GPR20: variants seen among roughly 807,000 people sequenced by gnomAD.
The protein encoded by GPR20 is CTD-3064M3.3.
For missense variants in GPR20, 494 were observed against 527.4 expected (o/e 0.94, Z 0.62); for synonymous variants, 241 against 241.9 (o/e 1.00, Z 0.04).
intron 1 of GPR20, among the ~76,000 whole-genome samples, chr8:141,363,332 G>A (rs190991314): frequency 4.6e-5 from 7 of 152,346 alleles, no homozygotes; most frequent in South Asian, 2.1e-4. Context: ...GGACCAGCCC[G>A]CTCACACGTG....
chr8:141,365,670 G>C lies in GPR20; in HGVS notation c.-25+1531C>G, dbSNP rs771440406. 1.2e-4 allele frequency among the ~76,000 whole-genome samples: 18 copies of C among 152,242 alleles called. 1 individual carries two copies. Among genetic ancestry groups the C allele is most frequent in the Non-Finnish European group, 2.9e-5 (2 of 68,034 alleles). Reference sequence around the variant, plus strand: ...AGAGGGAAGAGCGCTCCCGGCAGCAGGAAGGGCACAGTGAGCATGAAGGGC... The same window carrying C: ...AGAGGGAAGAGCGCTCCCGGCAGCACGAAGGGCACAGTGAGCATGAAGGGC... On this transcript the variant is annotated intron_variant, in intron 1 of 1. Coordinates refer to ENST00000377741, the MANE Select transcript of GPR20 (RefSeq NM_005293.3).
chr8:141,356,918 C>T lies in GPR20; in HGVS notation c.1006G>A (p.Gly336Ser), dbSNP rs1186729075. 3 of 1,612,258 alleles carry T rather than the reference C, an allele frequency of 1.9e-6. No homozygotes were observed. The highest frequency in any genetic ancestry group is 1.1e-5 in the South Asian group (1 of 91,070). ...CCGGCACTGAGGATGTGATGACGGC[C>T]TGAGCCCTTGGAGCTCCTGTGCATG... ...VSMHRSSKGS[G>S]RHHILSAGPH... Residue 336 changes from glycine (G) to serine (S), a missense_variant, in exon 2 of 2, where the codon GGC becomes AGC. Gly to Ser is a moderately conservative substitution (Grantham distance 56). Coordinates refer to ENST00000377741, the MANE Select transcript of GPR20 (RefSeq NM_005293.3).
At position 141,357,360 on chromosome 8, in the gene GPR20, C is replaced by T; in HGVS notation, c.564G>A (p.Val188=). 6.4e-7 allele frequency: 1 copy of T among 1,557,958 alleles called. No individual in the cohort carries two copies. Among genetic ancestry groups the T allele is most frequent in the African/African-American group, 1.4e-5 (1 of 73,872 alleles). The change falls in exon 2 of 2, where the codon GTG becomes GTA. Residue 188 remains valine, a synonymous_variant. Coordinates refer to ENST00000377741, the MANE Select transcript of GPR20 (RefSeq NM_005293.3). ...CACGGCAGCAGGGCCGGCTGCCTGTCACGCCCAGCACCGACAGGGTGACGG... is the reference window on the plus strand; with the variant it reads ...CACGGCAGCAGGGCCGGCTGCCTGTTACGCCCAGCACCGACAGGGTGACGG... The part of the protein sequence containing the change: ...AGAVTLSVLG[V]TGSRPCCRVF...
chr8:141,357,564 C>T lies in GPR20; in HGVS notation c.360G>A (p.Leu120=), dbSNP rs1485683965. ...CGAGGACGTGCGGGAAGGCACAGCG[C>T]AGGCAGCCCCTGGCGCCGTAGTACA... is the stretch of plus-strand genomic sequence containing the variant. ...FAVYYGARGC[L]RCAFPHVLGY... is the part of the protein sequence containing the mutation. Residue 120 remains leucine (L), a synonymous_variant, in exon 2 of 2, where the codon CTG becomes CTA. Transcript: ENST00000377741. 6.2e-7 allele frequency: 1 copy of T among 1,613,866 alleles called. No individual in the cohort carries two copies. Among genetic ancestry groups the T allele is most frequent in the Non-Finnish European group, 8.5e-7 (1 of 1,180,008 alleles).
chr8:141,359,569 G>C (rs943837639), intron 1 of GPR20, among the ~76,000 whole-genome samples: 1 of 152,192 alleles, frequency 6.6e-6, no homozygotes. Context: ...AGCTCCCCCC[G>C]ACTGCAAGCA....
chr8:141,366,258 G>T (rs1352170145), intron 1 of GPR20, among the ~76,000 whole-genome samples: 1 of 152,192 alleles, frequency 6.6e-6, no homozygotes, highest in African/African-American at 2.4e-5. Context: ...TCAGCAGACC[G>T]CCCTGGAGCC....
intron 1 of GPR20, among the ~76,000 whole-genome samples, chr8:141,361,910 C>T (rs1380967547): frequency 6.6e-6 from 1 of 152,208 alleles, no homozygotes; most frequent in Admixed American, 6.5e-5. Context: ...CCCGGCCTTT[C>T]AAGGCTTCGC....
intron 1 of GPR20, among the ~76,000 whole-genome samples, chr8:141,364,107 C>G (rs1313650795): frequency 6.6e-6 from 1 of 152,238 alleles, no homozygotes; most frequent in Non-Finnish European, 1.5e-5. Context: ...ACTGGCAGGA[C>G]CCGGCACAGG....
Position 141,356,838 on chromosome 8 carries a change from C to A in GPR20, c.*9G>T, listed in dbSNP as rs772874297. The A allele has an allele frequency of 4.5e-6, 7 of 1,568,140 alleles. No homozygotes were observed. Among genetic ancestry groups the A allele is most frequent in the South Asian group, 2.3e-5 (2 of 86,920 alleles). ...TCCTGACCTTCGGCCCCTGGCAGAG[C>A]CCTGCTGACTAAGCCTCGGGCCCAT... On this transcript the variant is annotated 3_prime_UTR_variant, in exon 2 of 2. Transcript: ENST00000377741.
chr8:141,359,288 C>A (rs1005436432), intron 1 of GPR20, among the ~76,000 whole-genome samples: 4 of 152,180 alleles, frequency 2.6e-5, no homozygotes, highest in African/African-American at 9.7e-5. Flanking sequence ...AACAATGAGC[C>A]CTGCCTTCAA....
At chr8:141,362,159 G>A (rs889528710) in intron 1 of GPR20, among the ~76,000 whole-genome samples, 2 of 152,164 alleles carry the variant, frequency 1.3e-5, no homozygotes, top group African/African-American at 4.8e-5. Context: ...CACTCCATGC[G>A]CCCTCCAGGC....
intron 1 of GPR20, among the ~76,000 whole-genome samples, chr8:141,365,135 T>G (rs1831795836): frequency 6.6e-6 from 1 of 152,174 alleles, no homozygotes; most frequent in African/African-American, 2.4e-5. Flanking sequence ...CCACAGTCAT[T>G]GTTCCACAGA....
intron 1 of GPR20, among the ~76,000 whole-genome samples, chr8:141,364,873 C>T (rs1485845054): frequency 6.6e-6 from 1 of 152,148 alleles, no homozygotes; most frequent in African/African-American, 2.4e-5. Flanking sequence ...CTCCCCATCA[C>T]CGAGTTCATT....
intron 1 of GPR20, 103 bp from the exon 2 acceptor site, chr8:141,358,050 TC>T (rs779730008): frequency 4.4e-5 from 27 of 618,776 alleles, no homozygotes; most frequent in Non-Finnish European, 7.0e-5. Flanking sequence ...ACGCCCAGCA[TC>T]CCCCTTCTCC....
chr8:141,357,124 C>G lies in GPR20; in HGVS notation c.800G>C (p.Trp267Ser), dbSNP rs1413830329. 1 of 1,611,344 alleles carries G rather than the reference C, an allele frequency of 6.2e-7. No individual in the cohort carries two copies. Among genetic ancestry groups the G allele is most frequent in the African/African-American group, 1.3e-5 (1 of 74,952 alleles). Reference sequence around the variant, plus strand: ...GCTCGTGTGGTGTGGCATGTCGGGCCACAGCGCCACGGCCACTTGGCGGGC... The same window carrying G: ...GCTCGTGTGGTGTGGCATGTCGGGCGACAGCGCCACGGCCACTTGGCGGGC... ...FHARQVAVAL[W>S]PDMPHHTSLV... is the part of the protein sequence containing the mutation. The change falls in exon 2 of 2, where the codon TGG becomes TCG. Residue 267 changes from tryptophan (W) to serine (S), a missense_variant. Physicochemically the swap from Trp to Ser is radical, Grantham distance 177. Coordinates refer to ENST00000377741, the MANE Select transcript of GPR20 (RefSeq NM_005293.3).
intron 1 of GPR20, among the ~76,000 whole-genome samples, chr8:141,363,032 C>T (rs1264121207): frequency 2.0e-5 from 3 of 152,038 alleles, no homozygotes; most frequent in Non-Finnish European, 4.4e-5. Flanking sequence ...GGATTACAGG[C>T]GTGAGCTACT....
intron 1 of GPR20, among the ~76,000 whole-genome samples, chr8:141,360,335 C>T (rs574957174): frequency 4.8e-4 from 73 of 152,352 alleles, no homozygotes; most frequent in African/African-American, 1.7e-3. Context: ...CCACTCTGAG[C>T]CCTGACCCTG....
At position 141,357,614 on chromosome 8, in the gene GPR20, G is replaced by A. The variant is rs776066774; in HGVS notation, c.310C>T (p.Leu104=). Residue 104 remains leucine, a synonymous_variant, in exon 2 of 2, where the codon CTG becomes TTG. Transcript: ENST00000377741. The stretch of plus-strand genomic sequence containing the variant: ...ACAGCGAAGCGCGTGGGCAGGGACA[G>A]CCCTACCAGTAGATCGGTCACCACC... ...NLVVTDLLVG[L]SLPTRFAVYY... 3.1e-6 allele frequency: 5 copies of A among 1,613,846 alleles called. No individual in the cohort carries two copies. Among genetic ancestry groups the A allele is most frequent in the Non-Finnish European group, 4.2e-6 (5 of 1,180,006 alleles).
chr8:141,364,606 GGAA>G (rs996508850), intron 1 of GPR20, among the ~76,000 whole-genome samples: 1 of 152,208 alleles, frequency 6.6e-6, no homozygotes, highest in African/African-American at 2.4e-5. Context: ...AGCTCTGTGG[GGAA>G]GGACACCTGG....
Sources: allele counts gnomAD v4.1 joint callset (sites outside exome capture counted in the v4.1 genomes callset), GRCh38; gene constraint gnomAD v4.1.1; transcripts MANE v1.5; gene names NCBI Gene and HGNC (gene_info 2026-07-23, HGNC 2026-07-21).